The following ARSB variants were observed in gnomAD, a reference collection of about 807,000 sequenced individuals.
ARSB encodes arylsulfatase B, also known as N-acetylgalactosamine-4-sulfatase.
A neutral mutation model predicts 50.9 loss-of-function variants in ARSB; 41 were observed. The ratio of observed to expected loss-of-function variants is 0.81; its 90% CI spans 0.63 to 1.04. The LOEUF (loss-of-function observed/expected upper bound fraction) is 1.04, where lower values mean the gene tolerates loss of function less well. Ranked by LOEUF, ARSB falls within the 50% of genes least tolerant of loss-of-function variation. ARSB has a pLI of 0.00. For missense variants in ARSB, 672 were observed against 693.3 expected (o/e 0.97, Z 0.35); for synonymous variants, 269 against 284.8 (o/e 0.94, Z 0.56).
At chr5:78,915,581 G>A (rs1365124832) in intron 4 of ARSB, among the ~76,000 whole-genome samples, 2 of 152,122 alleles carry the variant, frequency 1.3e-5, no homozygotes, top group African/African-American at 2.4e-5. Flanking sequence ...GAATAAGAAG[G>A]TAAAATGGAA....
intron 1 of ARSB, among the ~76,000 whole-genome samples, chr5:78,969,497 T>G (rs1484604852): frequency 6.6e-6 from 1 of 152,200 alleles, no homozygotes; most frequent in Non-Finnish European, 1.5e-5. Context: ...AGCAATAATA[T>G]GTGGTGTGAA....
intron 5 of ARSB, among the ~76,000 whole-genome samples, chr5:78,878,497 G>C (rs1180867304): frequency 6.6e-6 from 1 of 151,224 alleles, no homozygotes; most frequent in Non-Finnish European, 1.5e-5. Context: ...AGTGAAAAGA[G>C]AAATATTATT....
chr5:78,790,258 C>T (rs1014144509), intron 6 of ARSB, among the ~76,000 whole-genome samples: 1 of 152,140 alleles, frequency 6.6e-6, no homozygotes, highest in Non-Finnish European at 1.5e-5. Context: ...AGCCAGACTG[C>T]TTGGGTTTGA....
chr5:78,797,309 G>C (rs1311226019), intron 6 of ARSB, among the ~76,000 whole-genome samples: 1 of 152,142 alleles, frequency 6.6e-6, no homozygotes, highest in Non-Finnish European at 1.5e-5. Flanking sequence ...TTTTTTCACT[G>C]TTCATCTCTT....
chr5:78,842,755 T>G (rs1745280704), intron 5 of ARSB, among the ~76,000 whole-genome samples: 1 of 147,738 alleles, frequency 6.8e-6, no homozygotes, highest in South Asian at 2.1e-4. Flanking sequence ...TGGTGAGTTT[T>G]CTGTTTTTGT....
chr5:78,788,514 C>T (rs774088476), intron 6 of ARSB, among the ~76,000 whole-genome samples: 5 of 152,190 alleles, frequency 3.3e-5, no homozygotes, highest in Non-Finnish European at 5.9e-5. Context: ...TCACCATCTC[C>T]ATTTCAACAG....
rs200326877 is a variant in ARSB, at chr5:78,844,786, C to T, written c.1143-5360G>A. On this transcript the variant is annotated intron_variant, in intron 5 of 7. Coordinates refer to ENST00000264914, the MANE Select transcript of ARSB (RefSeq NM_000046.5). Reference sequence around the variant, plus strand: ...ACATATAAATATACATATTTATGGGCTAGAGTATATTTCAATATATGTGTA... The same window carrying T: ...ACATATAAATATACATATTTATGGGTTAGAGTATATTTCAATATATGTGTA... Among the ~76,000 whole-genome samples, 17 of 151,950 alleles carry T rather than the reference C, an allele frequency of 1.1e-4. 1 individual carries two copies. The East Asian group carries it at 3.1e-3, about 28-fold the overall frequency.
chr5:78,814,057 G>A (rs1000310148), intron 6 of ARSB, among the ~76,000 whole-genome samples: 5 of 138,696 alleles, frequency 3.6e-5, no homozygotes, highest in Admixed American at 7.0e-5. Flanking sequence ...AGTAAACAAA[G>A]GTTCTGTATT....
At chr5:78,831,704 C>G (rs551016085) in intron 6 of ARSB, among the ~76,000 whole-genome samples, 3 of 152,314 alleles carry the variant, frequency 2.0e-5, no homozygotes, top group South Asian at 4.1e-4. Flanking sequence ...AGTTTCTTCA[C>G]TTGGATTATA....
At chr5:78,927,760 T>C (rs573209259) in intron 4 of ARSB, among the ~76,000 whole-genome samples, 1 of 152,112 alleles carries the variant, frequency 6.6e-6, no homozygotes, top group Admixed American at 6.5e-5. Context: ...TGCCTCTGCC[T>C]AGGAAAAACA....
At chr5:78,969,699 C>T (rs1399955820) in intron 1 of ARSB, among the ~76,000 whole-genome samples, 1 of 152,154 alleles carries the variant, frequency 6.6e-6, no homozygotes, top group East Asian at 1.9e-4. Flanking sequence ...TCATTGCAAC[C>T]TCCACCTCCC....
rs201873327 is a variant in ARSB, at chr5:78,881,237, G to GA, written c.1142+4346dup. Among the ~76,000 whole-genome samples, 1,438 of 146,934 alleles carry GA rather than the reference G, an allele frequency of 9.8e-3. 33 individuals carry two copies. The highest frequency in any genetic ancestry group is 0.034 in the African/African-American group (1,364 of 40,096). ...ACAGAGCAAGACTCTGTCTTAAAAA[G>GA]AAAAAAAAAGAAAAAAGAAATACAT... is the stretch of plus-strand genomic sequence containing the variant. On this transcript the variant is annotated intron_variant, in intron 5 of 7. Transcript: ENST00000264914.
At chr5:78,861,657 T>A (rs1314921575) in intron 5 of ARSB, among the ~76,000 whole-genome samples, 1 of 152,176 alleles carries the variant, frequency 6.6e-6, no homozygotes, top group Non-Finnish European at 1.5e-5. Flanking sequence ...GCCAATATCA[T>A]ACTGAATGGG....
chr5:78,958,929 T>C lies in ARSB; in HGVS notation c.691-3427A>G, dbSNP rs186369972. Reference sequence around the variant, plus strand: ...ACCACCTTGACTAATCAGATCATTGTAATTATGCATTAAGCCTTGTACAGA... The same window carrying C: ...ACCACCTTGACTAATCAGATCATTGCAATTATGCATTAAGCCTTGTACAGA... On this transcript the variant is annotated intron_variant, in intron 3 of 7. Coordinates refer to ENST00000264914, the MANE Select transcript of ARSB (RefSeq NM_000046.5). Among the ~76,000 whole-genome samples, 7 of 152,364 alleles carry C rather than the reference T, an allele frequency of 4.6e-5. No homozygotes were observed. The East Asian group carries it at 9.6e-4, about 21-fold the overall frequency.
intron 4 of ARSB, among the ~76,000 whole-genome samples, chr5:78,955,060 C>T (rs1361995173): frequency 1.3e-5 from 2 of 152,172 alleles, no homozygotes; most frequent in African/African-American, 4.8e-5. Context: ...AGTTAGTGAA[C>T]ATGTGTTTTC....
chr5:78,816,697 T>C (rs1744005124), intron 6 of ARSB, among the ~76,000 whole-genome samples: 1 of 152,180 alleles, frequency 6.6e-6, no homozygotes, highest in African/African-American at 2.4e-5. Flanking sequence ...AGATTCTAAT[T>C]GTGAGAGGGA....
intron 6 of ARSB, among the ~76,000 whole-genome samples, chr5:78,798,211 C>T (rs949170090): frequency 6.6e-6 from 1 of 152,096 alleles, no homozygotes; most frequent in Admixed American, 6.5e-5. Flanking sequence ...AATCATCCTC[C>T]AATTAAAGTG....
chr5:78,834,019 G>A (rs982597511), intron 6 of ARSB, among the ~76,000 whole-genome samples: 4 of 152,128 alleles, frequency 2.6e-5, no homozygotes, highest in Non-Finnish European at 5.9e-5. Flanking sequence ...TTAGGCTCAG[G>A]AAAGGCTGTA....
intron 1 of ARSB, among the ~76,000 whole-genome samples, chr5:78,971,717 T>C (rs1580148080): frequency 6.6e-6 from 1 of 152,166 alleles, no homozygotes; most frequent in Admixed American, 6.5e-5. Context: ...TCTTTCCACA[T>C]CCTCCTAAAA....
Sources: allele counts gnomAD v4.1 joint callset (sites outside exome capture counted in the v4.1 genomes callset), GRCh38; gene constraint gnomAD v4.1.1; transcripts MANE v1.5; gene names NCBI Gene and HGNC (gene_info 2026-07-23, HGNC 2026-07-21).